WWOX: variants seen among roughly 807,000 people sequenced by gnomAD.
WWOX encodes WW domain containing oxidoreductase.
A neutral mutation model predicts 46.2 loss-of-function variants in WWOX; 69 were observed. The observed-to-expected ratio is 1.49, with a 90% CI of 1.23 to 1.82. The LOEUF is 1.82. WWOX is among the 40% of genes most tolerant of loss of function. The pLI is 0.00. For synonymous variants in WWOX, 359 were observed against 202.6 expected (o/e 1.77, Z -6.56); for missense variants, 919 against 542.6 (o/e 1.69, Z -6.89).
intron 8 of WWOX, among the ~76,000 whole-genome samples, chr16:78,848,026 T>C (rs1202123656): frequency 6.6e-6 from 1 of 152,170 alleles, no homozygotes; most frequent in Non-Finnish European, 1.5e-5. Context: ...GTGCCTGGCA[T>C]ATGAGTGAGG....
At chr16:78,497,182 T>A (rs993708809) in intron 8 of WWOX, among the ~76,000 whole-genome samples, 1 of 152,204 alleles carries the variant, frequency 6.6e-6, no homozygotes, top group African/African-American at 2.4e-5. Context: ...AAAGACTCAA[T>A]AGCATATGCA....
intron 8 of WWOX, among the ~76,000 whole-genome samples, chr16:78,817,736 C>T (rs191253570): frequency 2.0e-5 from 3 of 152,140 alleles, no homozygotes; most frequent in Non-Finnish European, 2.9e-5. Context: ...AGGACCTCTT[C>T]GGGTCCCAGC....
intron 8 of WWOX, among the ~76,000 whole-genome samples, chr16:79,013,495 C>T (rs984419011): frequency 2.0e-4 from 31 of 152,316 alleles, no homozygotes; most frequent in South Asian, 1.9e-3. Flanking sequence ...CATGTCCCCC[C>T]ATGAAGTCAC....
chr16:79,102,370 A>T (rs904633402), intron 8 of WWOX, among the ~76,000 whole-genome samples: 5 of 152,142 alleles, frequency 3.3e-5, no homozygotes, highest in Non-Finnish European at 7.4e-5. Context: ...TGCATGCAAC[A>T]TCTCCTTCCA....
rs560199456 is a variant in WWOX, at chr16:78,690,703, T to A, written c.1056+257951T>A. The stretch of plus-strand genomic sequence containing the variant: ...GTCTTGTCCCTCCATCTGGGTGCTT[T>A]CCAGTCACAGCCTGGATGCATGTAT... On this transcript the variant is annotated intron_variant, in intron 8 of 8. Coordinates refer to ENST00000566780, the MANE Select transcript of WWOX (RefSeq NM_016373.4). 5.9e-5 allele frequency among the ~76,000 whole-genome samples: 9 copies of A among 152,290 alleles called. No individual in the cohort carries two copies. In the East Asian group the frequency reaches 1.7e-3, roughly 29 times the overall value.
intron 8 of WWOX, among the ~76,000 whole-genome samples, chr16:78,515,614 G>A (rs962958607): frequency 2.0e-5 from 3 of 152,148 alleles, no homozygotes; most frequent in Non-Finnish European, 4.4e-5. Context: ...GAGCCAGGCC[G>A]GATGCCTAGG....
intron 8 of WWOX, among the ~76,000 whole-genome samples, chr16:78,563,657 A>G (rs2044494093): frequency 6.6e-6 from 1 of 151,976 alleles, no homozygotes; most frequent in African/African-American, 2.4e-5. Flanking sequence ...TAAATTATCC[A>G]GGAGGAATGA....
chr16:78,256,736 G>T (rs2038141907), intron 5 of WWOX, among the ~76,000 whole-genome samples: 1 of 152,142 alleles, frequency 6.6e-6, no homozygotes, highest in African/African-American at 2.4e-5. Flanking sequence ...ACAGAAACAT[G>T]AACAGAGAGT....
intron 8 of WWOX, among the ~76,000 whole-genome samples, chr16:78,819,550 C>A (rs1386518976): frequency 6.6e-6 from 1 of 152,228 alleles, no homozygotes; most frequent in African/African-American, 2.4e-5. Flanking sequence ...GGCAGAACTG[C>A]CTCGGAATTG....
In WWOX at chr16:79,142,619, C is replaced by G. The variant is rs376622802; in HGVS notation, c.1057-68989C>G. ...GAAAAATCACAGAGTCCATTTATTT[C>G]TCCTCTTCGAGTCAGTATATCTCAA... On this transcript the variant is annotated intron_variant, in intron 8 of 8. Coordinates refer to ENST00000566780, the MANE Select transcript of WWOX (RefSeq NM_016373.4). 2.0e-5 allele frequency among the ~76,000 whole-genome samples: 3 copies of G among 152,192 alleles called. No individual in the cohort carries two copies. The East Asian group carries it at 5.8e-4, about 29-fold the overall frequency.
At chr16:78,808,983 A>G (rs2051116315) in intron 8 of WWOX, among the ~76,000 whole-genome samples, 1 of 152,184 alleles carries the variant, frequency 6.6e-6, no homozygotes, top group Non-Finnish European at 1.5e-5. Flanking sequence ...GAGAATTCTC[A>G]GGACCTGATG....
At chr16:78,409,306 C>A (rs1021102443) in intron 6 of WWOX, among the ~76,000 whole-genome samples, 6 of 152,262 alleles carry the variant, frequency 3.9e-5, no homozygotes, top group African/African-American at 1.4e-4. Flanking sequence ...CTGCCATCAT[C>A]ACTGTCAAGA....
At chr16:79,190,594 T>C (rs969666449) in intron 8 of WWOX, among the ~76,000 whole-genome samples, 4 of 151,080 alleles carry the variant, frequency 2.6e-5, no homozygotes, top group South Asian at 2.1e-4. Context: ...GTCAAGTCCA[T>C]TTTGTCAAGG....
intron 8 of WWOX, among the ~76,000 whole-genome samples, chr16:78,957,804 C>G (rs9673718): frequency 0.018 from 2,774 of 152,314 alleles, 71 homozygotes; most frequent in African/African-American, 0.062. Flanking sequence ...GTTTTAATCT[C>G]AAAGCTGTCC....
intron 5 of WWOX, among the ~76,000 whole-genome samples, chr16:78,347,704 A>G (rs1367092980): frequency 8.2e-6 from 1 of 122,578 alleles, no homozygotes; most frequent in Admixed American, 7.9e-5. Context: ...ATTAAAGGTC[A>G]AGAAAAATAA....
At chr16:78,612,272 G>C (rs555277768) in intron 8 of WWOX, among the ~76,000 whole-genome samples, 1 of 152,186 alleles carries the variant, frequency 6.6e-6, no homozygotes. Context: ...GTGAAGGATG[G>C]CAAAGTGACT....
intron 8 of WWOX, among the ~76,000 whole-genome samples, chr16:78,757,570 C>T (rs1050266692): frequency 6.6e-5 from 10 of 151,690 alleles, no homozygotes; most frequent in South Asian, 4.2e-4. Flanking sequence ...CTATAAGTGC[C>T]GTATTAAAGC....
intron 8 of WWOX, among the ~76,000 whole-genome samples, chr16:78,698,196 A>G (rs889691679): frequency 5.3e-5 from 8 of 152,332 alleles, no homozygotes; most frequent in Non-Finnish European, 8.8e-5. Context: ...ATTCTGAACA[A>G]GGTCAGACAA....
chr16:78,847,911 G>A (rs544871078), intron 8 of WWOX, among the ~76,000 whole-genome samples: 5 of 152,254 alleles, frequency 3.3e-5, no homozygotes, highest in African/African-American at 9.6e-5. Context: ...TTTCTGTTTC[G>A]TTGCTTACAA....
Sources: gnomAD v4.1 joint callset for allele counts (sites outside exome capture counted in the v4.1 genomes callset) on GRCh38, gnomAD v4.1.1 for gene constraint, MANE v1.5 for transcripts, NCBI Gene and HGNC (gene_info 2026-07-23, HGNC 2026-07-21) for gene names.